The following ELF2 variants were observed in gnomAD, a reference collection of about 807,000 sequenced individuals.
ELF2 encodes the protein E74 like ETS transcription factor 2, also known as ETS-related transcription factor Elf-2.
Under a neutral mutation model 54.8 loss-of-function variants are expected in ELF2, and 11 were observed. The observed-to-expected ratio is 0.20, with a 90% CI of 0.13 to 0.33. ELF2 has a LOEUF of 0.33. Ranked by LOEUF, ELF2 falls within the 10% of genes least tolerant of loss-of-function variation. The pLI is 1.00. For synonymous variants in ELF2, 203 were observed against 245.1 expected (o/e 0.83, Z 1.61); for missense variants, 513 against 703.0 (o/e 0.73, Z 3.06).
At chr4:139,149,059 C>T (rs1208746664) in intron 1 of ELF2, among the ~76,000 whole-genome samples, 4 of 152,162 alleles carry the variant, frequency 2.6e-5, no homozygotes, top group African/African-American at 9.7e-5. Flanking sequence ...TGAGAACAAA[C>T]ACATTTACCT....
intron 4 of ELF2, among the ~76,000 whole-genome samples, chr4:139,101,091 A>G (rs934490009): frequency 1.3e-5 from 2 of 152,208 alleles, no homozygotes; most frequent in Admixed American, 6.5e-5. Flanking sequence ...TTTCTTCCCA[A>G]TGAAATTTTA....
intron 4 of ELF2, among the ~76,000 whole-genome samples, chr4:139,081,944 T>C (rs970363333): frequency 9.2e-5 from 14 of 152,176 alleles, no homozygotes; most frequent in African/African-American, 3.1e-4. Context: ...GATTCGTATA[T>C]AGTACAGAAA....
chr4:139,154,209 C>T (rs1740302785), intron 1 of ELF2, among the ~76,000 whole-genome samples: 1 of 152,140 alleles, frequency 6.6e-6, no homozygotes, highest in Non-Finnish European at 1.5e-5. Context: ...ACAATAGGTG[C>T]TCAATAAATA....
At chr4:139,177,901 G>A (rs1245395605), upstream of ELF2, among the ~76,000 whole-genome samples, 1 of 152,124 alleles carries the variant, frequency 6.6e-6, no homozygotes, top group East Asian at 1.9e-4. Flanking sequence ...CCTCAGCCTT[G>A]GCTTAGTGAA....
intron 1 of ELF2, among the ~76,000 whole-genome samples, chr4:139,142,650 T>C (rs920153197): frequency 6.6e-6 from 1 of 152,148 alleles, no homozygotes; most frequent in Non-Finnish European, 1.5e-5. Flanking sequence ...TTTAATGTAA[T>C]GCAAACTACT....
intron 4 of ELF2, among the ~76,000 whole-genome samples, chr4:139,111,627 G>A (rs551619198): frequency 4.6e-4 from 70 of 151,676 alleles, no homozygotes; most frequent in Non-Finnish European, 9.6e-4. Flanking sequence ...ATCAGGACTC[G>A]CTGTTTTGAG....
chr4:139,153,427 C>G (rs1388116516), intron 1 of ELF2, among the ~76,000 whole-genome samples: 2 of 151,232 alleles, frequency 1.3e-5, no homozygotes, highest in Non-Finnish European at 2.9e-5. Flanking sequence ...AGAGGGAGAC[C>G]CTGTCTCAAA....
intron 6 of ELF2, among the ~76,000 whole-genome samples, chr4:139,071,004 G>T (rs72947694): frequency 0.015 from 2,213 of 152,312 alleles, 58 homozygotes; most frequent in African/African-American, 0.05. Flanking sequence ...AGAATGTCAT[G>T]TCTTTCCAAT....
chr4:139,127,754 C>T (rs1355062754), intron 3 of ELF2, among the ~76,000 whole-genome samples: 1 of 152,202 alleles, frequency 6.6e-6, no homozygotes, highest in East Asian at 1.9e-4. Flanking sequence ...CACCTGAGGT[C>T]AGGTGTTCGA....
At chr4:139,073,723 T>C in intron 4 of ELF2, 156 bp from the exon 5 acceptor site, 2 of 384,960 alleles carry the variant, frequency 5.2e-6, no homozygotes, top group Non-Finnish European at 9.2e-6. Flanking sequence ...TATCTATTCG[T>C]CTATATAAAT....
At chr4:139,175,446 T>C (rs1020540976) in intron 1 of ELF2, among the ~76,000 whole-genome samples, 7 of 152,328 alleles carry the variant, frequency 4.6e-5, no homozygotes, top group Admixed American at 3.9e-4. Context: ...ATCGTCTCAA[T>C]AATATTTACA....
intron 4 of ELF2, among the ~76,000 whole-genome samples, chr4:139,096,996 T>C (rs1733352841): frequency 6.6e-6 from 1 of 152,154 alleles, no homozygotes; most frequent in Non-Finnish European, 1.5e-5. Context: ...ATTTATTGAC[T>C]TTCATCTTTA....
intron 4 of ELF2, among the ~76,000 whole-genome samples, chr4:139,123,296 T>C (rs919403234): frequency 1.3e-5 from 2 of 152,172 alleles, no homozygotes; most frequent in Non-Finnish European, 2.9e-5. Context: ...TCTTTTTGTG[T>C]TGAAGTAAAT....
At chr4:139,099,263 G>A (rs1003341723) in intron 4 of ELF2, among the ~76,000 whole-genome samples, 2 of 152,098 alleles carry the variant, frequency 1.3e-5, no homozygotes, top group Non-Finnish European at 2.9e-5. Context: ...CTACATTGAC[G>A]GGCAGTGTCT....
intron 6 of ELF2, among the ~76,000 whole-genome samples, chr4:139,068,855 T>C (rs913805757): frequency 1.3e-5 from 2 of 152,084 alleles, no homozygotes; most frequent in Non-Finnish European, 2.9e-5. Flanking sequence ...CAAATACATA[T>C]ATATACACAC....
chr4:139,073,365 A>G (rs1242243953), intron 5 of ELF2, 89 bp downstream of exon 5: 2 of 766,164 alleles, frequency 2.6e-6, no homozygotes, highest in Non-Finnish European at 3.9e-6. Context: ...ATTCCCAACA[A>G]TTCCATTGGA....
rs766373069 is a variant in ELF2, at chr4:139,060,719, T to TCACCCCACTC, written c.807-55_807-46dup. On this transcript the variant is annotated intron_variant, in intron 8 of 9. Transcript: ENST00000686138. Reference sequence around the variant, plus strand: ...CAAATGAATCAAGTATATTATTTCTTCACCCCACTCCACCCCCGCCAAAAA... The same window carrying TCACCCCACTC: ...CAAATGAATCAAGTATATTATTTCTTCACCCCACTCCACCCCACTCCACCCCCGCCAAAAA... The TCACCCCACTC allele has an allele frequency of 5.7e-5, 85 of 1,497,986 alleles. No individual in the cohort carries two copies. In the African/African-American group the frequency reaches 1.1e-3, roughly 20 times the overall value. The allele number at this position is 1,497,986 out of a possible 1,614,324, so 92.8% of individuals were successfully genotyped here.
At chr4:139,151,960 C>T (rs1231158932) in intron 1 of ELF2, among the ~76,000 whole-genome samples, 1 of 152,208 alleles carries the variant, frequency 6.6e-6, no homozygotes, top group Non-Finnish European at 1.5e-5. Context: ...CTTGCTATTA[C>T]ACCAATCATA....
At chr4:139,091,993 C>CTA (rs1185653011) in intron 4 of ELF2, among the ~76,000 whole-genome samples, 7 of 148,264 alleles carry the variant, frequency 4.7e-5, no homozygotes, top group Admixed American at 1.4e-4. Flanking sequence ...CATATATACA[C>CTA]TATATATATA....
Sources: allele counts gnomAD v4.1 joint callset (sites outside exome capture counted in the v4.1 genomes callset), GRCh38; gene constraint gnomAD v4.1.1; transcripts MANE v1.5; gene names NCBI Gene and HGNC (gene_info 2026-07-23, HGNC 2026-07-21).